MACROD2: variants seen among roughly 807,000 people sequenced by gnomAD.
MACROD2 encodes mono-ADP ribosylhydrolase 2.
A neutral mutation model predicts 70.4 loss-of-function variants in MACROD2; 36 were observed. The observed-to-expected ratio is 0.51, with a 90% CI of 0.39 to 0.68. The LOEUF is 0.68. Ranked by LOEUF, MACROD2 falls within the 30% of genes least tolerant of loss-of-function variation. The pLI is 0.00. For missense variants in MACROD2, 496 were observed against 538.4 expected (o/e 0.92, Z 0.78); for synonymous variants, 172 against 178.8 (o/e 0.96, Z 0.30).
intron 8 of MACROD2, among the ~76,000 whole-genome samples, chr20:15,773,146 C>T (rs1389017906): frequency 1.3e-5 from 2 of 152,060 alleles, no homozygotes; most frequent in African/African-American, 2.4e-5. Flanking sequence ...TTCATCTGCT[C>T]TTATGTCTTT....
intron 8 of MACROD2, among the ~76,000 whole-genome samples, chr20:15,573,756 C>A (rs983143644): frequency 8.5e-5 from 13 of 152,124 alleles, no homozygotes; most frequent in African/African-American, 3.1e-4. Flanking sequence ...GATACTCTCC[C>A]CACCACACAC....
At chr20:14,200,918 A>G (rs915411372) in intron 3 of MACROD2, among the ~76,000 whole-genome samples, 5 of 146,142 alleles carry the variant, frequency 3.4e-5, no homozygotes, top group Admixed American at 3.4e-4. Flanking sequence ...TTTAACCAAG[A>G]TACTAATCTT....
intron 5 of MACROD2, among the ~76,000 whole-genome samples, chr20:14,839,011 C>T (rs1001562225): frequency 3.9e-5 from 6 of 151,984 alleles, no homozygotes; most frequent in African/African-American, 1.4e-4. Context: ...AAAGCTATCT[C>T]GAAACAGAAG....
intron 5 of MACROD2, among the ~76,000 whole-genome samples, chr20:15,166,958 T>C (rs1407002213): frequency 6.6e-6 from 1 of 150,670 alleles, no homozygotes; most frequent in East Asian, 1.9e-4. Context: ...TATTAAATTA[T>C]TTAAGTATTA....
chr20:15,256,005 T>C (rs1488824420), intron 6 of MACROD2, among the ~76,000 whole-genome samples: 1 of 152,084 alleles, frequency 6.6e-6, no homozygotes, highest in Non-Finnish European at 1.5e-5. Context: ...GACTCCTTTT[T>C]TTCACTCCTT....
chr20:15,416,680 G>C lies in MACROD2; in HGVS notation c.541-14725G>C, dbSNP rs111861406. 2.1e-3 allele frequency among the ~76,000 whole-genome samples: 322 copies of C among 152,202 alleles called. 1 individual carries two copies. Among genetic ancestry groups the C allele is most frequent in the African/African-American group, 7.3e-3 (302 of 41,550 alleles). On this transcript the variant is annotated intron_variant, in intron 6 of 17. Transcript: ENST00000684519. Reference sequence around the variant, plus strand: ...AGCACTTTGGGAGGCCGAGGCAGTCGGATCACGAGGTCAGGAGATCGAGAC... The same window carrying C: ...AGCACTTTGGGAGGCCGAGGCAGTCCGATCACGAGGTCAGGAGATCGAGAC...
At chr20:14,799,271 CCTTA>C (rs2072546141) in intron 5 of MACROD2, among the ~76,000 whole-genome samples, 1 of 151,810 alleles carries the variant, frequency 6.6e-6, no homozygotes, top group Middle Eastern at 3.4e-3. Context: ...TTGATGAAGC[CCTTA>C]CTTATTAACA....
intron 5 of MACROD2, among the ~76,000 whole-genome samples, chr20:14,726,566 A>C: frequency 6.6e-6 from 1 of 152,194 alleles, no homozygotes; most frequent in South Asian, 2.1e-4. Flanking sequence ...GAAATAGTAA[A>C]ATGTTTCCTA....
rs186106159 is a variant in MACROD2 at position 14,862,564 on chromosome 20, A to T, written c.418+177605A>T. Among the ~76,000 whole-genome samples, 3 of 15,260 alleles carry T rather than the reference A, an allele frequency of 2.0e-4. 1 individual carries two copies. Among genetic ancestry groups the T allele is most frequent in the Non-Finnish European group, 4.6e-4 (3 of 6,486 alleles). The allele number at this position is 15,260 out of a possible 152,430, so 10.0% of individuals were successfully genotyped here. A position where few individuals can be genotyped will look rare whatever the true frequency, so the allele number is the denominator to read the frequency against. On this transcript the variant is annotated intron_variant, in intron 5 of 17. Transcript: ENST00000684519. ...ATATAAAAATATATATATAAATATA[A>T]ATATATATAAATATATATGTATAAA...
At chr20:15,409,907 A>G (rs1375345276) in intron 6 of MACROD2, among the ~76,000 whole-genome samples, 4 of 152,150 alleles carry the variant, frequency 2.6e-5, no homozygotes, top group Non-Finnish European at 5.9e-5. Context: ...GTTAAGCTAG[A>G]ATGATAACTG....
rs906724631 is a variant in MACROD2 at position 14,359,217 on chromosome 20, A to G, written c.272-134262A>G. Among the ~76,000 whole-genome samples the G allele has an allele frequency of 4.6e-5, 7 of 152,072 alleles. No individual in the cohort carries two copies. The East Asian group carries it at 1.4e-3, about 30-fold the overall frequency. ...ACAAACAAACAAACAAACAAAAAAC[A>G]CCTAGATTGAGAGATCATGAATAAT... On this transcript the variant is annotated intron_variant, in intron 3 of 17. Transcript: ENST00000684519.
chr20:14,127,502 C>T (rs1043863805), intron 3 of MACROD2: 2 of 496,958 alleles, frequency 4.0e-6, no homozygotes, highest in African/African-American at 4.0e-5. Context: ...CATTGAATAT[C>T]TTAAGCAGCA....
intron 6 of MACROD2, among the ~76,000 whole-genome samples, chr20:15,286,984 T>C (rs1324355892): frequency 6.6e-6 from 1 of 152,206 alleles, no homozygotes; most frequent in African/African-American, 2.4e-5. Flanking sequence ...GACGCTACAC[T>C]GCATTTCCCT....
rs145077109 is a variant in MACROD2 at position 14,850,385 on chromosome 20, C to G, written c.418+165426C>G. The G allele has an allele frequency of 1.5e-3, 239 of 155,058 alleles. 2 individuals are homozygous for G. Among genetic ancestry groups the G allele is most frequent in the Middle Eastern group, 0.013 (4 of 304 alleles). The allele number at this position is 155,058 out of a possible 1,614,324, so 9.6% of individuals were successfully genotyped here. On this transcript the variant is annotated intron_variant, in intron 5 of 17. Coordinates refer to ENST00000684519, the MANE Select transcript of MACROD2 (RefSeq NM_001351661.2). Reference sequence around the variant, plus strand: ...GGCACAGGCCTAATTTACCCATTCTCTCTCAGGGAATATCAGAGCTTCACA... The same window carrying G: ...GGCACAGGCCTAATTTACCCATTCTGTCTCAGGGAATATCAGAGCTTCACA...
intron 5 of MACROD2, among the ~76,000 whole-genome samples, chr20:14,714,603 T>C (rs2123670009): frequency 6.6e-6 from 1 of 152,296 alleles, no homozygotes; most frequent in East Asian, 1.9e-4. Context: ...GGCATGGTGG[T>C]CTTTTTAAAA....
intron 5 of MACROD2, among the ~76,000 whole-genome samples, chr20:14,726,521 C>T (rs769673549): frequency 8.5e-5 from 13 of 152,186 alleles, no homozygotes; most frequent in African/African-American, 2.9e-4. Context: ...GTTTGCTAAA[C>T]TCTGATTTGG....
At chr20:15,027,302 T>C (rs1184241831) in intron 5 of MACROD2, among the ~76,000 whole-genome samples, 1 of 152,214 alleles carries the variant, frequency 6.6e-6, no homozygotes. Flanking sequence ...CTTTCAGTGC[T>C]AATTTCCATA....
chr20:15,029,281 T>G (rs188826152), intron 5 of MACROD2, among the ~76,000 whole-genome samples: 1 of 152,342 alleles, frequency 6.6e-6, no homozygotes, highest in East Asian at 1.9e-4. Flanking sequence ...TCCTAAATTC[T>G]CATTCTAATT....
chr20:16,035,134 T>TA (rs1568725968), intron 15 of MACROD2, among the ~76,000 whole-genome samples: 2 of 73,918 alleles, frequency 2.7e-5, no homozygotes, highest in Non-Finnish European at 6.0e-5. Flanking sequence ...AAATATTATA[T>TA]ATTATATATT....
Sources: allele counts gnomAD v4.1 joint callset (sites outside exome capture counted in the v4.1 genomes callset), GRCh38; gene constraint gnomAD v4.1.1; transcripts MANE v1.5; gene names NCBI Gene and HGNC (gene_info 2026-07-23, HGNC 2026-07-21).